The following GNAI2 variants were observed in gnomAD, a reference collection of about 807,000 sequenced individuals.
The protein encoded by GNAI2 is G protein subunit alpha i2.
GNAI2 carries 4 observed loss-of-function variants against 36.8 expected under a neutral mutation model. The observed-to-expected ratio is 0.11, with a 90% CI of 0.05 to 0.25. GNAI2 has a LOEUF of 0.25. Ranked by LOEUF, GNAI2 falls within the 10% of genes least tolerant of loss-of-function variation. The pLI, the probability that GNAI2 is intolerant of heterozygous loss-of-function variation, is 1.00. For missense variants in GNAI2, 230 were observed against 481.3 expected (o/e 0.48, Z 4.89); for synonymous variants, 194 against 194.1 (o/e 1.00, Z 0.01).
At chr3:50,234,210 G>A (rs1160582086), upstream of GNAI2, among the ~76,000 whole-genome samples, 2 of 151,398 alleles carry the variant, frequency 1.3e-5, no homozygotes, top group African/African-American at 4.9e-5. Context: ...GGTACTACAG[G>A]CGCCCGCCAC....
chr3:50,253,692 G>C lies in GNAI2; in HGVS notation c.464+508G>C, dbSNP rs1271773517. Among the ~76,000 whole-genome samples the C allele has an allele frequency of 1.3e-5, 2 of 152,162 alleles. No individual in the cohort carries two copies. The highest frequency in any genetic ancestry group is 4.1e-4 in the South Asian group (2 of 4,824). On this transcript the variant is annotated intron_variant, in intron 4 of 8. Transcript: ENST00000313601. This position sits in a 1 kb window ranked among gnomAD's most constrained non-coding sequence, Gnocchi z 4.2. ...CTGGGAGGTGGAGCTTGCAGTGAGC[G>C]GAGATTGCGCCACTGCACTCTAGCT... is the stretch of plus-strand genomic sequence containing the variant.
intron 1 of GNAI2, chr3:50,247,095 CT>C: frequency 2.8e-6 from 2 of 724,744 alleles, no homozygotes; most frequent in Non-Finnish European, 4.9e-6. Flanking sequence ...AATCTGTACT[CT>C]TTCAAAGGGT....
At chr3:50,234,614 A>T (rs1418407637), upstream of GNAI2, among the ~76,000 whole-genome samples, 1 of 152,116 alleles carries the variant, frequency 6.6e-6, no homozygotes, top group Admixed American at 6.5e-5. Flanking sequence ...AGCCTCCCAG[A>T]GTTGCTGGGA....
chr3:50,256,687 C>G, intron 5 of GNAI2, 36 bp from the exon 6 acceptor site: 1 of 1,607,504 alleles, frequency 6.2e-7, no homozygotes, highest in South Asian at 1.1e-5. Flanking sequence ...CTCCCCCAGG[C>G]TCCCTTCCTG....
At chr3:50,245,587 G>T (rs1575445955) in intron 1 of GNAI2, among the ~76,000 whole-genome samples, 1 of 152,360 alleles carries the variant, frequency 6.6e-6, no homozygotes, top group Non-Finnish European at 1.5e-5. Context: ...GGTGCCAAAT[G>T]GCCCAGCTCC....
upstream of GNAI2, among the ~76,000 whole-genome samples, chr3:50,228,086 T>G (rs1700009814): frequency 1.3e-5 from 2 of 152,184 alleles, no homozygotes. Context: ...ACTCCCGTTA[T>G]AATTGCTCCC....
At chr3:50,232,003 C>T (rs1230452389), upstream of GNAI2, among the ~76,000 whole-genome samples, 5 of 151,196 alleles carry the variant, frequency 3.3e-5, no homozygotes, top group African/African-American at 1.2e-4. Context: ...TTGAGACCAG[C>T]CTGGACAACA....
In GNAI2 at chr3:50,256,201, C is replaced by A; in HGVS notation, c.474C>A (p.Asn158Lys). ...QLNDSAAYYL[N>K]DLERIAQSDY... ...CACCCCCCATCCCCAGCTACCTGAA[C>A]GACCTGGAGCGTATTGCACAGAGTG... The change falls in exon 5 of 9, where the codon AAC (asparagine) becomes AAA (lysine). Residue 158 changes from asparagine (N) to lysine (K), a missense_variant. Transcript: ENST00000313601. 2.0e-6 allele frequency: 2 copies of A among 990,710 alleles called. No individual in the cohort carries two copies. Among genetic ancestry groups the A allele is most frequent in the Non-Finnish European group, 1.5e-6 (1 of 676,578 alleles). 61.4% of individuals were successfully genotyped at this position (990,710 alleles called of 1,614,324 possible).
At chr3:50,240,070 T>TA (rs1553700855) in intron 1 of GNAI2, 1 of 152,210 alleles carries the variant, frequency 6.6e-6, no homozygotes, top group Non-Finnish European at 1.5e-5. Context: ...CTAATGAGGG[T>TA]ATATGGACAG....
chr3:50,247,126 T>C, intron 1 of GNAI2: 1 of 705,908 alleles, frequency 1.4e-6, no homozygotes, highest in Non-Finnish European at 2.6e-6. Flanking sequence ...GTGATAACTT[T>C]TACCTGAATG....
intron 1 of GNAI2, among the ~76,000 whole-genome samples, chr3:50,245,565 C>T (rs928599113): frequency 9.9e-5 from 15 of 152,252 alleles, no homozygotes; most frequent in African/African-American, 3.4e-4. Flanking sequence ...ATGAAGAGGC[C>T]TCCAGGGAGA....
At chr3:50,234,111 G>A (rs1404691168), upstream of GNAI2, among the ~76,000 whole-genome samples, 5 of 144,948 alleles carry the variant, frequency 3.4e-5, no homozygotes, top group Non-Finnish European at 7.5e-5. Flanking sequence ...CTGTCACCCA[G>A]GGTGGAGTGC....
chr3:50,236,149 C>A, upstream of GNAI2: 1 of 1,153,650 alleles, frequency 8.7e-7, no homozygotes, highest in South Asian at 4.3e-5. The surrounding 1 kb of genome is among the most constrained non-coding windows in gnomAD (Gnocchi z 4.0). Context: ...CGCCCAGGCC[C>A]CACCCCCGGC....
intron 1 of GNAI2, among the ~76,000 whole-genome samples, chr3:50,249,187 G>A (rs1320529544): frequency 2.6e-5 from 4 of 152,134 alleles, no homozygotes; most frequent in Non-Finnish European, 4.4e-5. Context: ...GGGACTGCAT[G>A]GGGACCCATG....
chr3:50,230,999 G>T lies in GNAI2; in HGVS notation c.-39+1G>T, dbSNP rs1049452741. Reference sequence around the variant, plus strand: ...AGCTGACTCAGCTGCAAAGCAAGGGGTTTGTTTCTTCAGCTCTCAGCCTTA... The same window carrying T: ...AGCTGACTCAGCTGCAAAGCAAGGGTTTTGTTTCTTCAGCTCTCAGCCTTA... On this transcript the variant is annotated splice_donor_variant, in intron 1 of 8. Coordinates refer to the GNAI2 transcript ENST00000266027. LOFTEE classifies it low-confidence loss of function (5UTR_SPLICE). 3 of 980,538 alleles carry T rather than the reference G, an allele frequency of 3.1e-6. No individual in the cohort carries two copies. Among genetic ancestry groups the T allele is most frequent in the Non-Finnish European group, 3.6e-6 (3 of 825,546 alleles). 60.7% of individuals were successfully genotyped at this position (980,538 alleles called of 1,614,324 possible).
intron 1 of GNAI2, among the ~76,000 whole-genome samples, chr3:50,237,800 G>C (rs1700212480): frequency 6.6e-6 from 1 of 152,060 alleles, no homozygotes; most frequent in Non-Finnish European, 1.5e-5. Context: ...TTGCAACAGC[G>C]CAGCACCGTT....
In GNAI2 at chr3:50,257,319, C is replaced by T. The variant is rs146210798; in HGVS notation, c.878-181C>T. 2.0e-3 allele frequency among the ~76,000 whole-genome samples: 300 copies of T among 152,350 alleles called. 3 individuals carry two copies. The highest frequency in any genetic ancestry group is 6.8e-3 in the Middle Eastern group (2 of 294). On this transcript the variant is annotated intron_variant, in intron 7 of 8. Transcript: ENST00000313601. ...ATGTGTACATGGGCATCCTCCTTCA[C>T]ACAGTGGGGTACCCCTTTGCACATC...
Position 50,236,261 on chromosome 3 carries a change from A to G in GNAI2, c.-75A>G, listed in dbSNP as rs2109179779. The G allele has an allele frequency of 8.2e-7, 1 of 1,216,866 alleles. No individual in the cohort carries two copies. The highest frequency in any genetic ancestry group is 3.9e-5 in the South Asian group (1 of 25,938). 75.4% of individuals were successfully genotyped at this position (1,216,866 alleles called of 1,614,324 possible). A position where few individuals can be genotyped will look rare whatever the true frequency, so the allele number is the denominator to read the frequency against. On this transcript the variant is annotated 5_prime_UTR_variant, in exon 1 of 9. Coordinates refer to ENST00000313601, the MANE Select transcript of GNAI2 (RefSeq NM_002070.4). The surrounding 1 kb of genome is among the most constrained non-coding windows in gnomAD (Gnocchi z 4.0). ...CGCAGAGGGCTGGTGGTGGGAGCGGAGTGGGTCGGGCGGGGCCGAGCCGGG... is the reference window on the plus strand; with the variant it reads ...CGCAGAGGGCTGGTGGTGGGAGCGGGGTGGGTCGGGCGGGGCCGAGCCGGG...
intron 1 of GNAI2, among the ~76,000 whole-genome samples, chr3:50,250,872 C>T (rs587650192): frequency 1.3e-5 from 2 of 151,370 alleles, no homozygotes; most frequent in African/African-American, 2.4e-5. Flanking sequence ...CGCAATGGCA[C>T]AATCTCGGCT....
Sources: gnomAD v4.1 joint callset for allele counts (sites outside exome capture counted in the v4.1 genomes callset) on GRCh38, gnomAD v4.1.1 for gene constraint, Gnocchi (gnomAD v3.1) non-coding constraint, MANE v1.5 for transcripts, NCBI Gene and HGNC (gene_info 2026-07-23, HGNC 2026-07-21) for gene names.